The following GRB10 variants were observed in gnomAD, a reference collection of about 807,000 sequenced individuals.
The protein encoded by GRB10 is growth factor receptor-bound protein 10.
Under a neutral mutation model 80.9 loss-of-function variants are expected in GRB10, and 20 were observed. That is an observed-to-expected ratio of 0.25 (90% CI 0.17 to 0.36). GRB10 has a LOEUF of 0.36. Among genes scored for constraint, GRB10 ranks in the 10% least tolerant of loss-of-function variants. GRB10 has a pLI of 1.00. For missense variants in GRB10, 548 were observed against 747.7 expected, an observed-to-expected ratio of 0.73 and a Z score of 3.12; for synonymous variants, 291 against 291.5, an observed-to-expected ratio of 1.00 and a Z score of 0.02.
chr7:50,658,944 G>C (rs2058939763), intron 7 of GRB10, among the ~76,000 whole-genome samples: 1 of 152,202 alleles, frequency 6.6e-6, no homozygotes, highest in Non-Finnish European at 1.5e-5. Context: ...GGTCCCTAGA[G>C]AGCTGTGAGA....
intron 12 of GRB10, among the ~76,000 whole-genome samples, chr7:50,613,682 T>G (rs1488594116): frequency 6.6e-6 from 1 of 152,154 alleles, no homozygotes; most frequent in African/African-American, 2.4e-5. Flanking sequence ...ATGGCTGGTG[T>G]GGGCTGGTGG....
At chr7:50,701,761 C>G (rs2064266383) in intron 5 of GRB10, among the ~76,000 whole-genome samples, 2 of 152,242 alleles carry the variant, frequency 1.3e-5, no homozygotes, top group African/African-American at 4.8e-5. Flanking sequence ...TGGGAGTACA[C>G]TGCATTGCCT....
At chr7:50,787,268 C>CAGGAGGAGG (rs56235564), upstream of GRB10, among the ~76,000 whole-genome samples, 1,334 of 148,774 alleles carry the variant, frequency 9.0e-3, 22 homozygotes, top group African/African-American at 0.031. Context: ...CTCTGGAGAG[C>CAGGAGGAGG]AGGAGGAGGA....
intron 7 of GRB10, among the ~76,000 whole-genome samples, chr7:50,660,840 G>A (rs891593683): frequency 8.0e-5 from 10 of 124,616 alleles, no homozygotes; most frequent in South Asian, 2.6e-4. Context: ...TATCCATCCC[G>A]CCAGGGCCAA....
chr7:50,615,531 T>A (rs1012987847), intron 11 of GRB10, among the ~76,000 whole-genome samples: 2 of 152,222 alleles, frequency 1.3e-5, no homozygotes, highest in Non-Finnish European at 2.9e-5. Flanking sequence ...CAGAGCCGGT[T>A]CCCAGATGCT....
intron 2 of GRB10, among the ~76,000 whole-genome samples, chr7:50,760,580 T>C (rs537412544): frequency 1.3e-5 from 2 of 152,286 alleles, no homozygotes; most frequent in Admixed American, 6.5e-5. Context: ...TGGTCAATCA[T>C]AGAGCATTAA....
At chr7:50,747,863 A>G (rs1000480068) in intron 3 of GRB10, among the ~76,000 whole-genome samples, 5 of 152,008 alleles carry the variant, frequency 3.3e-5, no homozygotes, top group Non-Finnish European at 7.4e-5. Context: ...TCGAGATAGG[A>G]AAGGCGTGGG....
At chr7:50,703,438 G>A (rs2064520398) in intron 5 of GRB10, among the ~76,000 whole-genome samples, 1 of 152,140 alleles carries the variant, frequency 6.6e-6, no homozygotes, top group South Asian at 2.1e-4. Context: ...CAGAATCACA[G>A]AAAGGTAGAG....
At position 50,605,347 on chromosome 7, in the gene GRB10, C is replaced by G. The variant is rs377558557; in HGVS notation, c.1332G>C (p.Val444=). The G allele has an allele frequency of 1.7e-5, 28 of 1,614,128 alleles. No homozygotes were observed. The highest frequency in any genetic ancestry group is 2.4e-5 in the Non-Finnish European group (28 of 1,180,050). The change falls in exon 15 of 19, where the codon GTG becomes GTC. Residue 444 remains valine, a synonymous_variant. Coordinates refer to ENST00000401949, the MANE Select transcript of GRB10 (RefSeq NM_001350814.2). ...AMDFSGQTGR[V]IENPAEAQSA... The stretch of plus-strand genomic sequence containing the variant: ...TCTGGGCCTCTGCCGGATTCTCTAT[C>G]ACGCGTCCTGTTTGCCCAGAAAAAT...
At chr7:50,722,157 G>A (rs2067858927) in intron 4 of GRB10, among the ~76,000 whole-genome samples, 1 of 152,098 alleles carries the variant, frequency 6.6e-6, no homozygotes, top group Non-Finnish European at 1.5e-5. Flanking sequence ...TTCCCAGGCT[G>A]TCCCCCACCA....
intron 5 of GRB10, 88 bp downstream of exon 5, chr7:50,703,733 T>C: frequency 7.8e-6 from 7 of 894,866 alleles, no homozygotes; most frequent in African/African-American, 3.3e-5. Context: ...AATCTATTAG[T>C]GTCAAGAGCA....
chr7:50,603,493 C>T (rs545833861), intron 17 of GRB10, among the ~76,000 whole-genome samples: 1 of 152,304 alleles, frequency 6.6e-6, no homozygotes, highest in East Asian at 1.9e-4. Flanking sequence ...CAGCTCACAG[C>T]AACAACCAAA....
chr7:50,680,032 T>C (rs1403972096), intron 5 of GRB10, among the ~76,000 whole-genome samples: 2 of 152,214 alleles, frequency 1.3e-5, no homozygotes, highest in Non-Finnish European at 2.9e-5. Context: ...GTAAGTAGAA[T>C]AAGAAAACCA....
At chr7:50,737,638 C>T (rs544429531) in intron 3 of GRB10, among the ~76,000 whole-genome samples, 2 of 152,244 alleles carry the variant, frequency 1.3e-5, no homozygotes, top group Non-Finnish European at 2.9e-5. Flanking sequence ...CACCTGAGGT[C>T]AGGAGTTCAA....
intron 3 of GRB10, among the ~76,000 whole-genome samples, chr7:50,733,848 G>A (rs902201471): frequency 6.6e-6 from 1 of 152,084 alleles, no homozygotes; most frequent in Non-Finnish European, 1.5e-5. Context: ...CAGTTACTTG[G>A]CTTAAAGGAA....
chr7:50,620,956 T>A (rs866645389), intron 8 of GRB10, among the ~76,000 whole-genome samples: 13 of 152,122 alleles, frequency 8.5e-5, no homozygotes, highest in Admixed American at 3.3e-4. Flanking sequence ...CTGTTGATGG[T>A]TGATTTACAG....
At chr7:50,622,321 C>T (rs1205313315) in intron 8 of GRB10, among the ~76,000 whole-genome samples, 3 of 152,208 alleles carry the variant, frequency 2.0e-5, no homozygotes, top group Non-Finnish European at 4.4e-5. Context: ...CAAGAGTCAA[C>T]AGGCGCCGGC....
intron 5 of GRB10, among the ~76,000 whole-genome samples, chr7:50,686,418 C>G (rs2062108421): frequency 6.6e-6 from 1 of 152,162 alleles, no homozygotes; most frequent in Non-Finnish European, 1.5e-5. Flanking sequence ...CATTTTCTTA[C>G]AGCAACTCAA....
intron 5 of GRB10, among the ~76,000 whole-genome samples, chr7:50,695,578 G>A (rs1003154455): frequency 1.6e-4 from 24 of 152,132 alleles, no homozygotes; most frequent in Non-Finnish European, 3.1e-4. Flanking sequence ...TTGCTCCTAG[G>A]TAAATGGACT....
Sources: gnomAD v4.1 joint callset for allele counts (sites outside exome capture counted in the v4.1 genomes callset) on GRCh38, gnomAD v4.1.1 for gene constraint, MANE v1.5 for transcripts, NCBI Gene and HGNC (gene_info 2026-07-23, HGNC 2026-07-21) for gene names.